Variants in UNC13C observed in about 807,000 individuals in gnomAD.
UNC13C encodes the protein protein unc-13 homolog C.
UNC13C carries 174 observed loss-of-function variants against 245.4 expected under a neutral mutation model. That is an observed-to-expected ratio of 0.71 (90% confidence interval 0.63 to 0.80). The LOEUF is 0.80. Among genes scored for constraint, UNC13C ranks in the 30% least tolerant of loss-of-function variants. UNC13C has a pLI of 0.00. For synonymous variants in UNC13C, 992 were observed against 895.1 expected, an observed-to-expected ratio of 1.11 and a Z score of -1.93; for missense variants, 2,829 against 2,602.9, an observed-to-expected ratio of 1.09 and a Z score of -1.89.
rs372623344 is a variant in UNC13C at position 54,186,836 on chromosome 15, A to AATATATATATATATATATATAT, written c.3071+43160_3071+43161insATATATATATATATATATATAT. On this transcript the variant is annotated intron_variant, in intron 4 of 32. Coordinates refer to ENST00000260323, the MANE Select transcript of UNC13C (RefSeq NM_001080534.3). ...GTCCACTGACACATACAAAGAACAT[A>AATATATATATATATATATATAT]ATATATATGTATATATATATTTTGT... Among the ~76,000 whole-genome samples the AATATATATATATATATATATAT allele has an allele frequency of 6.1e-4, 77 of 126,162 alleles. 5 individuals carry two copies. Among genetic ancestry groups the AATATATATATATATATATATAT allele is most frequent in the East Asian group, 9.1e-4 (4 of 4,388 alleles). The allele number at this position is 126,162 out of a possible 152,430, so 82.8% of individuals were successfully genotyped here.
intron 2 of UNC13C, among the ~76,000 whole-genome samples, chr15:54,038,124 A>ATATATTTTTTTTTTTTTTTTTTT: frequency 2.2e-5 from 1 of 45,040 alleles, no homozygotes; most frequent in Non-Finnish European, 3.5e-5. Flanking sequence ...ATATATATAT[A>ATATATTTTTTTTTTTTTTTTTTT]TTTTTTTTTT....
chr15:53,842,167 A>G, the UNC13C span, among the ~76,000 whole-genome samples: 1 of 152,312 alleles, frequency 6.6e-6, no homozygotes, highest in Admixed American at 6.5e-5. Flanking sequence ...GAAGCCTCAC[A>G]TAGTGAAAAG....
intron 2 of UNC13C, among the ~76,000 whole-genome samples, chr15:54,115,456 T>A (rs1182051067): frequency 6.6e-6 from 1 of 152,088 alleles, no homozygotes. Context: ...TGTAGTTTGC[T>A]TTATTTTGCT....
intron 19 of UNC13C, among the ~76,000 whole-genome samples, chr15:54,479,189 A>G (rs574490638): frequency 6.6e-6 from 1 of 151,978 alleles, no homozygotes; most frequent in East Asian, 1.9e-4. Context: ...GAAATCCCCG[A>G]CTATTATTTT....
At chr15:54,506,250 C>A (rs1009422437) in intron 22 of UNC13C, among the ~76,000 whole-genome samples, 9 of 151,970 alleles carry the variant, frequency 5.9e-5, no homozygotes, top group Non-Finnish European at 1.3e-4. Context: ...GTATGCAATA[C>A]AATATAATAA....
At chr15:53,944,000 A>T in the UNC13C span, among the ~76,000 whole-genome samples, 1 of 151,978 alleles carries the variant, frequency 6.6e-6, no homozygotes, top group East Asian at 1.9e-4. Context: ...TTTAGTGTGC[A>T]TATATTGTTA....
intron 13 of UNC13C, among the ~76,000 whole-genome samples, chr15:54,315,484 A>G (rs995530054): frequency 2.0e-5 from 3 of 151,562 alleles, no homozygotes; most frequent in African/African-American, 7.3e-5. Flanking sequence ...AGTCTCAATT[A>G]TAGAATTTAC....
At chr15:54,323,247 T>C (rs2038212165) in intron 14 of UNC13C, among the ~76,000 whole-genome samples, 1 of 152,034 alleles carries the variant, frequency 6.6e-6, no homozygotes, top group Admixed American at 6.6e-5. Context: ...TTACTCTTTT[T>C]CTGTCCTTTT....
intron 30 of UNC13C, among the ~76,000 whole-genome samples, chr15:54,578,399 C>T (rs1423608186): frequency 6.6e-6 from 1 of 152,102 alleles, no homozygotes; most frequent in Non-Finnish European, 1.5e-5. Context: ...CTTTATTTCT[C>T]AATTTGGTGA....
intron 10 of UNC13C, among the ~76,000 whole-genome samples, chr15:54,293,496 A>G (rs2037354524): frequency 6.6e-6 from 1 of 152,036 alleles, no homozygotes; most frequent in Admixed American, 6.6e-5. Context: ...TGAAGTCCAC[A>G]TTCTCAACAC....
chr15:53,995,342 T>C (rs1177281866), intron 1 of UNC13C, among the ~76,000 whole-genome samples: 1 of 152,008 alleles, frequency 6.6e-6, no homozygotes, highest in Non-Finnish European at 1.5e-5. Context: ...ACCCTTCAGA[T>C]AAAACTCTCA....
intron 4 of UNC13C, among the ~76,000 whole-genome samples, chr15:54,155,377 C>T (rs1332260427): frequency 2.0e-5 from 3 of 152,152 alleles, no homozygotes; most frequent in Non-Finnish European, 4.4e-5. Flanking sequence ...ATCACTTTTG[C>T]CACATTCTAT....
intron 2 of UNC13C, among the ~76,000 whole-genome samples, chr15:54,037,109 G>A (rs1012966977): frequency 6.6e-6 from 1 of 152,212 alleles, no homozygotes; most frequent in African/African-American, 2.4e-5. Flanking sequence ...TCCAGTTAAA[G>A]GTGTTCCTAA....
At chr15:54,610,328 C>A (rs565554627) in intron 30 of UNC13C, among the ~76,000 whole-genome samples, 1 of 152,014 alleles carries the variant, frequency 6.6e-6, no homozygotes, top group African/African-American at 2.4e-5. Context: ...CTCCGCCTTC[C>A]GGGTTCAGCA....
intron 23 of UNC13C, among the ~76,000 whole-genome samples, chr15:54,510,801 TTC>T (rs1477862933): frequency 3.3e-5 from 5 of 152,152 alleles, no homozygotes; most frequent in African/African-American, 1.2e-4. Context: ...CTTTGTCTAT[TTC>T]TCTTTCTGTG....
the UNC13C span, among the ~76,000 whole-genome samples, chr15:53,909,105 C>T: frequency 2.0e-5 from 3 of 146,360 alleles, 1 homozygote; most frequent in Non-Finnish European, 4.6e-5. Context: ...AGTTTCCCTC[C>T]AAAGGCAGAC....
chr15:53,944,852 T>G, the UNC13C span, among the ~76,000 whole-genome samples: 2 of 151,898 alleles, frequency 1.3e-5, no homozygotes, highest in Admixed American at 1.3e-4. Flanking sequence ...ACACTGCTTT[T>G]GATGGTTGAA....
At chr15:54,060,516 G>A (rs1294090821) in intron 2 of UNC13C, among the ~76,000 whole-genome samples, 1 of 152,200 alleles carries the variant, frequency 6.6e-6, no homozygotes, top group African/African-American at 2.4e-5. Flanking sequence ...TTGCACTGTT[G>A]GTGGGACTGT....
In UNC13C at chr15:54,154,916, T is replaced by A. The variant is rs532686381; in HGVS notation, c.3071+11232T>A. On this transcript the variant is annotated intron_variant, in intron 4 of 32. Coordinates refer to ENST00000260323, the MANE Select transcript of UNC13C (RefSeq NM_001080534.3). ...AGAAGATATTTCCAATAATAAGAAC[T>A]GTCTTTGTAAATACTAAGTTTCCTA... is the stretch of plus-strand genomic sequence containing the variant. Among the ~76,000 whole-genome samples the A allele has an allele frequency of 4.6e-5, 7 of 152,354 alleles. No homozygotes were observed. In the South Asian group the frequency reaches 1.5e-3, roughly 32 times the overall value.
Sources: gnomAD v4.1 joint callset for allele counts (sites outside exome capture counted in the v4.1 genomes callset) on GRCh38, gnomAD v4.1.1 for gene constraint, MANE v1.5 for transcripts, NCBI Gene and HGNC (gene_info 2026-07-23, HGNC 2026-07-21) for gene names.